LDAH: variants seen among roughly 807,000 people sequenced by gnomAD.
The protein encoded by LDAH is lipid droplet-associated hydrolase.
In LDAH, 26 loss-of-function variants were observed where a neutral mutation model predicts 29.6. The ratio of observed to expected loss-of-function variants is 0.88; its 90% CI spans 0.64 to 1.22. The LOEUF (loss-of-function observed/expected upper bound fraction) is 1.22. LDAH is among the 50% of genes most tolerant of loss of function. The probability of loss-of-function intolerance (pLI) is 0.00; values close to 1 mark genes in which losing one functional copy is unlikely to be tolerated. For synonymous variants in LDAH, 117 were observed against 133.0 expected (o/e 0.88, Z 0.83); for missense variants, 344 against 387.3 (o/e 0.89, Z 0.94).
chr2:20,821,900 A>G (rs1558512300), intron 1 of LDAH, among the ~76,000 whole-genome samples: 1 of 152,204 alleles, frequency 6.6e-6, no homozygotes, highest in Non-Finnish European at 1.5e-5. Context: ...CTAGAATGCT[A>G]CATGCTGGAA....
At chr2:20,802,898 G>T (rs886312960) in intron 1 of LDAH, among the ~76,000 whole-genome samples, 3 of 152,086 alleles carry the variant, frequency 2.0e-5, no homozygotes, top group Admixed American at 6.5e-5. Flanking sequence ...ATGACATGAT[G>T]CTAAGCTCTG....
chr2:20,710,167 G>C (rs1166901843), intron 5 of LDAH, among the ~76,000 whole-genome samples: 1 of 152,098 alleles, frequency 6.6e-6, no homozygotes, highest in Non-Finnish European at 1.5e-5. Flanking sequence ...AAATTGATAA[G>C]TGTTTAGCCA....
chr2:20,711,481 C>T lies in LDAH; in HGVS notation c.704-9829G>A, dbSNP rs529190490. ...CTTCCAGCATGATTGACAGAGAAGA[C>T]GGGTGATTTCTGCATTTCCAACTGA... On this transcript the variant is annotated intron_variant, in intron 5 of 6. Coordinates refer to ENST00000237822, the MANE Select transcript of LDAH (RefSeq NM_021925.4). Among the ~76,000 whole-genome samples, 14 of 152,026 alleles carry T rather than the reference C, an allele frequency of 9.2e-5. 1 individual carries two copies. Among genetic ancestry groups the T allele is most frequent in the African/African-American group, 3.1e-4 (13 of 41,448 alleles).
chr2:20,817,212 C>T (rs1302989577), intron 1 of LDAH, among the ~76,000 whole-genome samples: 1 of 151,858 alleles, frequency 6.6e-6, no homozygotes, highest in African/African-American at 2.4e-5. Flanking sequence ...AAATCAATGA[C>T]ATTAAAAATA....
At chr2:20,700,776 G>T (rs998822905) in intron 6 of LDAH, among the ~76,000 whole-genome samples, 3 of 152,106 alleles carry the variant, frequency 2.0e-5, no homozygotes, top group Non-Finnish European at 4.4e-5. Flanking sequence ...TATATCTAAG[G>T]TAGTATTTCA....
In LDAH at chr2:20,685,070, A is replaced by G; in HGVS notation, c.*1833T>C. On this transcript the variant is annotated 3_prime_UTR_variant, in exon 7 of 7. Transcript: ENST00000237822. Reference sequence around the variant, plus strand: ...ACCAGGTCAGAAATGCTGGTAAAACATTTATTTCAAAAATTCATTTGGTTT... The same window carrying G: ...ACCAGGTCAGAAATGCTGGTAAAACGTTTATTTCAAAAATTCATTTGGTTT... 1 of 964,184 alleles carries G rather than the reference A, an allele frequency of 1.0e-6. No individual in the cohort carries two copies. Among genetic ancestry groups the G allele is most frequent in the Non-Finnish European group, 1.4e-6 (1 of 703,726 alleles). 59.7% of individuals were successfully genotyped at this position (964,184 alleles called of 1,614,324 possible).
At chr2:20,783,005 T>C (rs968381555) in intron 3 of LDAH, among the ~76,000 whole-genome samples, 1 of 152,206 alleles carries the variant, frequency 6.6e-6, no homozygotes, top group African/African-American at 2.4e-5. Flanking sequence ...CTACCAATTT[T>C]TATAAGTTGT....
At chr2:20,807,329 C>T (rs781716323) in intron 1 of LDAH, among the ~76,000 whole-genome samples, 2 of 151,970 alleles carry the variant, frequency 1.3e-5, no homozygotes, top group Non-Finnish European at 2.9e-5. Context: ...TACAGTTGTC[C>T]AGAGAATAGA....
At chr2:20,764,070 G>A (rs1389898238) in intron 4 of LDAH, among the ~76,000 whole-genome samples, 1 of 151,694 alleles carries the variant, frequency 6.6e-6, no homozygotes, top group Non-Finnish European at 1.5e-5. Context: ...AGCAATTTCA[G>A]GATTTAAAAA....
rs183145047 is a variant in LDAH, at chr2:20,723,918, C to A, written c.703+16053G>T. Among the ~76,000 whole-genome samples the A allele has an allele frequency of 3.3e-5, 5 of 152,244 alleles. No individual in the cohort carries two copies. In the East Asian group the frequency reaches 9.6e-4, roughly 29 times the overall value. On this transcript the variant is annotated intron_variant, in intron 5 of 6. Transcript: ENST00000237822. ...TTCTTTACTTTTGCTCCATTAAACA[C>A]AGGTATAAAAAAGACTAATTGAAGA...
chr2:20,762,404 C>A (rs1016303337), intron 4 of LDAH, among the ~76,000 whole-genome samples: 1 of 151,868 alleles, frequency 6.6e-6, no homozygotes, highest in African/African-American at 2.4e-5. Flanking sequence ...CATCCTTTAC[C>A]CCTAACCACC....
At chr2:20,711,258 G>A (rs1018387443) in intron 5 of LDAH, among the ~76,000 whole-genome samples, 2 of 151,938 alleles carry the variant, frequency 1.3e-5, no homozygotes, top group Non-Finnish European at 2.9e-5. Context: ...CGTGGTGGTG[G>A]GCGCCTGTAG....
intron 4 of LDAH, among the ~76,000 whole-genome samples, chr2:20,747,083 CAAGGT>C (rs1667619887): frequency 6.6e-6 from 1 of 151,934 alleles, no homozygotes. Context: ...GGTATGGCCA[CAAGGT>C]AAGAAGTATG....
In LDAH at chr2:20,790,158, G is replaced by C. The variant is rs572409962; in HGVS notation, c.298+97C>G. On this transcript the variant is annotated intron_variant, in intron 3 of 6. Transcript: ENST00000237822. ...CACCATGGGCCTAATGCCACAAGCAGAGGTTTCCACTGGTGTAACTCTTAA... is the reference window on the plus strand; with the variant it reads ...CACCATGGGCCTAATGCCACAAGCACAGGTTTCCACTGGTGTAACTCTTAA... The C allele has an allele frequency of 1.7e-4, 214 of 1,280,886 alleles. No homozygotes were observed. In the African/African-American group the frequency reaches 3.0e-3, roughly 18 times the overall value. The allele number at this position is 1,280,886 out of a possible 1,614,324, so 79.3% of individuals were successfully genotyped here.
At chr2:20,739,279 A>G (rs1286483521) in intron 5 of LDAH, among the ~76,000 whole-genome samples, 1 of 152,222 alleles carries the variant, frequency 6.6e-6, no homozygotes, top group Non-Finnish European at 1.5e-5. Context: ...ATCACATTTA[A>G]CACTAGAATA....
In LDAH at chr2:20,801,301, T is replaced by C. The variant is rs754943647; in HGVS notation, c.154+9A>G. 7 of 1,610,888 alleles carry C rather than the reference T, an allele frequency of 4.3e-6. No individual in the cohort carries two copies. Among genetic ancestry groups the C allele is most frequent in the Non-Finnish European group, 5.1e-6 (6 of 1,179,094 alleles). On this transcript the variant is annotated intron_variant, in intron 2 of 6. Coordinates refer to ENST00000237822, the MANE Select transcript of LDAH (RefSeq NM_021925.4). The stretch of plus-strand genomic sequence containing the variant: ...CAAAAAGTCTCCTCACCCAGACTTT[T>C]ACGCTCACCAGGAATAATGAAAATA...
chr2:20,683,651 G>A (rs1397997955), downstream of LDAH, among the ~76,000 whole-genome samples: 1 of 152,212 alleles, frequency 6.6e-6, no homozygotes, highest in African/African-American at 2.4e-5. Flanking sequence ...CCAAAATGCT[G>A]ACTGCTAGAA....
rs544594906 is a variant in LDAH, at chr2:20,772,721, C to T, written c.468+2089G>A. 8.3e-4 allele frequency among the ~76,000 whole-genome samples: 127 copies of T among 152,334 alleles called. 3 individuals are homozygous for T. Among genetic ancestry groups the T allele is most frequent in the African/African-American group, 2.9e-3 (121 of 41,580 alleles). ...GCTAGCAGGCTGTCTGCCTCCTTGA[C>T]TCTTCTTCCAGGTGTGCTCTAATGA... On this transcript the variant is annotated intron_variant, in intron 4 of 6. Coordinates refer to ENST00000237822, the MANE Select transcript of LDAH (RefSeq NM_021925.4).
intron 1 of LDAH, among the ~76,000 whole-genome samples, chr2:20,812,338 C>T (rs1252121524): frequency 1.3e-5 from 2 of 152,214 alleles, no homozygotes; most frequent in Admixed American, 1.3e-4. Context: ...ATTCCCTTCT[C>T]TATATGCTCT....
Sources: gnomAD v4.1 joint callset for allele counts (sites outside exome capture counted in the v4.1 genomes callset) on GRCh38, gnomAD v4.1.1 for gene constraint, MANE v1.5 for transcripts, NCBI Gene and HGNC (gene_info 2026-07-23, HGNC 2026-07-21) for gene names.